ADARB2: variants seen among roughly 807,000 people sequenced by gnomAD.
ADARB2 encodes inactive double-stranded RNA-specific editase B2.
Under a neutral mutation model 62.2 loss-of-function variants are expected in ADARB2, and 25 were observed. That is an observed-to-expected ratio of 0.40 (90% CI 0.29 to 0.56). ADARB2 has a LOEUF of 0.56. Among genes scored for constraint, ADARB2 ranks in the 20% least tolerant of loss-of-function variants. The pLI is 0.43. For synonymous variants in ADARB2, 572 were observed against 500.8 expected (o/e 1.14, Z -1.90); for missense variants, 1,071 against 1,077.4 (o/e 0.99, Z 0.08).
intron 1 of ADARB2, among the ~76,000 whole-genome samples, chr10:1,528,458 T>C (rs1239573897): frequency 1.3e-5 from 2 of 152,236 alleles, no homozygotes; most frequent in African/African-American, 2.4e-5. Flanking sequence ...GAAGGACTTA[T>C]GGATGCGCCA....
At chr10:1,379,630 A>G (rs1042102398) in intron 1 of ADARB2, among the ~76,000 whole-genome samples, 2 of 152,254 alleles carry the variant, frequency 1.3e-5, no homozygotes, top group Non-Finnish European at 2.9e-5. Context: ...TGCATTAAAA[A>G]TAAAGGACCT....
At chr10:1,483,624 G>T (rs892987598) in intron 1 of ADARB2, among the ~76,000 whole-genome samples, 2 of 82,432 alleles carry the variant, frequency 2.4e-5, no homozygotes, top group African/African-American at 1.0e-4. Flanking sequence ...TCTTTCAGTG[G>T]TGCTCTTTAC....
intron 1 of ADARB2, chr10:1,676,104 G>T: frequency 3.1e-6 from 3 of 982,348 alleles, no homozygotes; most frequent in Non-Finnish European, 3.6e-6. Context: ...AGGTTTGCAG[G>T]CATATTAGGA....
At chr10:1,220,164 AATG>A (rs1227184789) in intron 6 of ADARB2, among the ~76,000 whole-genome samples, 3 of 109,302 alleles carry the variant, frequency 2.7e-5, no homozygotes, top group Non-Finnish European at 3.8e-5. Context: ...TGGTGATGGT[AATG>A]ATGGTGGTGA....
chr10:1,338,437 TAA>T lies in ADARB2; in HGVS notation c.1077+24589_1077+24590del, dbSNP rs562897690. ...TTCTCTTCTTCAGATCCCTATCATA[TAA>T]AATTCTCAGTTTTAACTATTTCCTC... On this transcript the variant is annotated intron_variant, in intron 3 of 9. Coordinates refer to ENST00000381312, the MANE Select transcript of ADARB2 (RefSeq NM_018702.4). 9.2e-5 allele frequency among the ~76,000 whole-genome samples: 14 copies of T among 152,342 alleles called. No homozygotes were observed. In the South Asian group the frequency reaches 2.9e-3, roughly 32 times the overall value.
intron 1 of ADARB2, among the ~76,000 whole-genome samples, chr10:1,538,738 G>A (rs527398937): frequency 9.2e-5 from 14 of 152,352 alleles, no homozygotes; most frequent in East Asian, 1.9e-4. Context: ...ACGTCACAAC[G>A]TCGGGGCCAT....
chr10:1,438,260 C>T (rs1189308368), intron 1 of ADARB2, among the ~76,000 whole-genome samples: 3 of 151,646 alleles, frequency 2.0e-5, no homozygotes, highest in Non-Finnish European at 4.4e-5. Flanking sequence ...CTATGGGGCT[C>T]CTGAGTCTCC....
intron 1 of ADARB2, among the ~76,000 whole-genome samples, chr10:1,518,678 A>G (rs1018800686): frequency 2.6e-5 from 4 of 151,954 alleles, no homozygotes; most frequent in Admixed American, 6.6e-5. Context: ...ATTCCGTGTA[A>G]AGTCTGTACA....
intron 2 of ADARB2, among the ~76,000 whole-genome samples, chr10:1,375,788 G>GCA (rs1166966735): frequency 2.8e-5 from 4 of 141,870 alleles, no homozygotes; most frequent in South Asian, 2.2e-4. Flanking sequence ...GCACACACAT[G>GCA]CACACACGCA....
At chr10:1,227,519 G>T (rs375936284) in intron 6 of ADARB2, among the ~76,000 whole-genome samples, 1 of 152,190 alleles carries the variant, frequency 6.6e-6, no homozygotes, top group Non-Finnish European at 1.5e-5. Context: ...GCTGTAGACC[G>T]GAGCTGTTCC....
chr10:1,687,813 G>A (rs112821221), intron 1 of ADARB2, among the ~76,000 whole-genome samples: 2 of 152,006 alleles, frequency 1.3e-5, no homozygotes, highest in Admixed American at 1.3e-4. Context: ...TGCTGGCCGG[G>A]GGGGAAAACC....
intron 1 of ADARB2, among the ~76,000 whole-genome samples, chr10:1,691,468 G>A (rs1458747522): frequency 6.6e-6 from 1 of 152,100 alleles, no homozygotes; most frequent in Non-Finnish European, 1.5e-5. Flanking sequence ...CTCTGCACTT[G>A]GACCTATGAC....
At chr10:1,687,943 C>T (rs1242295164) in intron 1 of ADARB2, among the ~76,000 whole-genome samples, 1 of 152,234 alleles carries the variant, frequency 6.6e-6, no homozygotes, top group Admixed American at 6.5e-5. Context: ...TTGCTTGTCA[C>T]ATATGCCGTT....
At chr10:1,282,639 C>T (rs1831380409) in intron 3 of ADARB2, among the ~76,000 whole-genome samples, 1 of 152,206 alleles carries the variant, frequency 6.6e-6, no homozygotes, top group South Asian at 2.1e-4. Context: ...CCCAACTAAT[C>T]AGACTTTGCA....
At chr10:1,450,346 T>C (rs1831021107) in intron 1 of ADARB2, among the ~76,000 whole-genome samples, 1 of 152,260 alleles carries the variant, frequency 6.6e-6, no homozygotes, top group Non-Finnish European at 1.5e-5. Flanking sequence ...TTCCTGCTGC[T>C]GGAAGGGTGC....
chr10:1,733,038 A>C (rs1835253403), intron 1 of ADARB2, among the ~76,000 whole-genome samples: 2 of 152,176 alleles, frequency 1.3e-5, no homozygotes, highest in Non-Finnish European at 2.9e-5. Flanking sequence ...ACAATACCTA[A>C]ATTTCAAGAT....
intron 7 of ADARB2, chr10:1,215,765 T>C (rs1007121552): frequency 6.6e-6 from 1 of 152,220 alleles, no homozygotes; most frequent in African/African-American, 2.4e-5. Flanking sequence ...CATGGCTCTT[T>C]TAGGGAAACT....
chr10:1,421,238 G>A (rs547197301), intron 1 of ADARB2, among the ~76,000 whole-genome samples: 5 of 151,786 alleles, frequency 3.3e-5, no homozygotes, highest in Non-Finnish European at 7.4e-5. Context: ...GCACCTGCCC[G>A]TCGGTTCCAT....
chr10:1,225,583 A>C (rs1830737689), intron 6 of ADARB2, among the ~76,000 whole-genome samples: 1 of 152,142 alleles, frequency 6.6e-6, no homozygotes, highest in Non-Finnish European at 1.5e-5. Flanking sequence ...TGCTTCCTTC[A>C]GGAGTTCTTG....
Sources: gnomAD v4.1 joint callset for allele counts (sites outside exome capture counted in the v4.1 genomes callset) on GRCh38, gnomAD v4.1.1 for gene constraint, MANE v1.5 for transcripts, NCBI Gene and HGNC (gene_info 2026-07-23, HGNC 2026-07-21) for gene names.